Variants in OTOGL observed in about 807,000 individuals in gnomAD.
The protein encoded by OTOGL is otogelin like.
In OTOGL, 285 loss-of-function variants were observed where a neutral mutation model predicts 318.5. The ratio of observed to expected loss-of-function variants is 0.89; its 90% confidence interval spans 0.81 to 0.99. OTOGL has a LOEUF of 0.99. OTOGL is among the 50% of genes least tolerant of loss of function. The pLI is 0.00. For missense variants in OTOGL, 2,899 were observed against 2,845.6 expected, an observed-to-expected ratio of 1.02 and a Z score of -0.43; for synonymous variants, 987 against 936.5, an observed-to-expected ratio of 1.05 and a Z score of -0.99.
chr12:80,272,349 TGTGTGTGTGTG>T (rs1883477403), intron 24 of OTOGL, among the ~76,000 whole-genome samples: 1 of 3,660 alleles, frequency 2.7e-4, no homozygotes, highest in Non-Finnish European at 1.7e-3. Flanking sequence ...GTGATGTGTG[TGTGTGTGTGTG>T]TGTGTGTGTG....
chr12:80,153,795 T>G (rs1194139529), intron 1 of OTOGL, among the ~76,000 whole-genome samples: 1 of 152,198 alleles, frequency 6.6e-6, no homozygotes, highest in East Asian at 1.9e-4. Context: ...TGTCACATAG[T>G]TGGAATCATA....
intron 1 of OTOGL, among the ~76,000 whole-genome samples, chr12:80,150,303 C>A (rs908790118): frequency 6.6e-6 from 1 of 152,138 alleles, no homozygotes; most frequent in Non-Finnish European, 1.5e-5. Flanking sequence ...TCTTTCTATG[C>A]AGCTACAACA....
chr12:80,319,993 G>A (rs1345949794), intron 33 of OTOGL, among the ~76,000 whole-genome samples: 1 of 152,016 alleles, frequency 6.6e-6, no homozygotes, highest in Non-Finnish European at 1.5e-5. Flanking sequence ...ATCTATTTCT[G>A]TATTCTCTTT....
intron 1 of OTOGL, among the ~76,000 whole-genome samples, chr12:80,120,919 A>G (rs888756796): frequency 1.3e-5 from 2 of 152,174 alleles, no homozygotes; most frequent in East Asian, 1.9e-4. Context: ...AGAGTTCACA[A>G]CTGATTCCTT....
intron 57 of OTOGL, among the ~76,000 whole-genome samples, chr12:80,375,172 G>T (rs1891111479): frequency 2.0e-5 from 3 of 152,118 alleles, no homozygotes. Flanking sequence ...AGGCTGTGTT[G>T]AAGAGATTGT....
intron 9 of OTOGL, among the ~76,000 whole-genome samples, chr12:80,234,745 C>A (rs1565917323): frequency 2.6e-5 from 4 of 152,082 alleles, no homozygotes; most frequent in Admixed American, 2.6e-4. Context: ...TATTAAAATG[C>A]AAATGTTTTG....
intron 1 of OTOGL, among the ~76,000 whole-genome samples, chr12:80,198,922 T>A (rs1876273907): frequency 6.6e-6 from 1 of 152,220 alleles, no homozygotes; most frequent in Admixed American, 6.5e-5. Context: ...GCTGTTTTCC[T>A]CCATTTAGCC....
intron 4 of OTOGL, among the ~76,000 whole-genome samples, 162 bp downstream of exon 4, chr12:80,212,159 C>T (rs975025767): frequency 2.6e-5 from 4 of 151,996 alleles, no homozygotes; most frequent in Non-Finnish European, 4.4e-5. Context: ...TGCTTTTCTA[C>T]GACCATCGAA....
chr12:80,209,394 CAATT>C lies in OTOGL; in HGVS notation c.-19-18_-19-15del. ...AAGATGCCATCATAATAAAGACCAT[CAATT>C]TGGTTACATTTCAGGGGGAAAGGCT... On this transcript the variant is annotated splice_polypyrimidine_tract_variant and intron_variant, in intron 1 of 58. Transcript: ENST00000547103. 1 of 1,343,560 alleles carries C rather than the reference CAATT, an allele frequency of 7.4e-7. No individual in the cohort carries two copies. Among genetic ancestry groups the C allele is most frequent in the South Asian group, 1.5e-5 (1 of 65,838 alleles). The allele number at this position is 1,343,560 out of a possible 1,614,324, so 83.2% of individuals were successfully genotyped here. A position where few individuals can be genotyped will look rare whatever the true frequency, so the allele number is the denominator to read the frequency against.
At chr12:80,278,992 T>C in intron 25 of OTOGL, 36 bp from the exon 26 acceptor site, 1 of 1,017,518 alleles carries the variant, frequency 9.8e-7, no homozygotes, top group Non-Finnish European at 1.4e-6. Context: ...TTAGAGTCGT[T>C]TCTTTAGAAA....
At chr12:80,263,625 T>G (rs1882718838) in intron 19 of OTOGL, among the ~76,000 whole-genome samples, 1 of 152,110 alleles carries the variant, frequency 6.6e-6, no homozygotes, top group South Asian at 2.1e-4. Flanking sequence ...ACCACACACA[T>G]GCTATGTACA....
intron 1 of OTOGL, among the ~76,000 whole-genome samples, chr12:80,124,224 AG>A (rs1298291246): frequency 3.3e-5 from 5 of 152,186 alleles, no homozygotes; most frequent in African/African-American, 4.8e-5. Flanking sequence ...ATAAGGTGTA[AG>A]GAAGGGATCC....
intron 43 of OTOGL, among the ~76,000 whole-genome samples, chr12:80,340,075 A>G (rs999991325): frequency 9.9e-5 from 15 of 152,198 alleles, no homozygotes; most frequent in Non-Finnish European, 1.5e-4. Context: ...AACACAACAC[A>G]TAAATACACA....
rs544311240 is a variant in OTOGL at position 80,336,490 on chromosome 12, T to A, written c.4678T>A (p.Tyr1560Asn). 1 of 1,608,880 alleles carries A rather than the reference T, an allele frequency of 6.2e-7. No individual in the cohort carries two copies. The highest frequency in any genetic ancestry group is 1.3e-5 in the African/African-American group (1 of 74,886). ...NNAALYSMAS[Y>N]ILVRIPGEII... The stretch of plus-strand genomic sequence containing the variant: ...CGCAGCATTATATAGCATGGCTTCT[T>A]ATATCTTAGTAAGAATTCCTGGTGA... The change falls in exon 40 of 59, where the codon TAT becomes AAT. Residue 1560 changes from tyrosine to asparagine, a missense_variant. Physicochemically the swap from Tyr to Asn is moderately radical, Grantham distance 143 (BLOSUM62 -2). Around this residue, in one of 3 missense-constraint regions of OTOGL, gnomAD observed 2,607 missense variants for 2,524.9 expected, o/e 1.03. Coordinates refer to ENST00000547103, the MANE Select transcript of OTOGL (RefSeq NM_001378609.3).
chr12:80,130,627 A>G (rs549718785), intron 1 of OTOGL, among the ~76,000 whole-genome samples: 4 of 152,312 alleles, frequency 2.6e-5, no homozygotes, highest in African/African-American at 7.2e-5. Context: ...TGGCGAAGCT[A>G]AGTTCTACAG....
At chr12:80,157,783 G>C (rs1873224816) in intron 1 of OTOGL, among the ~76,000 whole-genome samples, 1 of 151,976 alleles carries the variant, frequency 6.6e-6, no homozygotes, top group African/African-American at 2.4e-5. Context: ...CTATTGGTCT[G>C]TGTGTCTGTG....
At chr12:80,218,151 G>T (rs1877922309) in intron 5 of OTOGL, among the ~76,000 whole-genome samples, 1 of 152,100 alleles carries the variant, frequency 6.6e-6, no homozygotes, top group Non-Finnish European at 1.5e-5. Flanking sequence ...CAATACATTT[G>T]TTTATCTAAA....
intron 1 of OTOGL, among the ~76,000 whole-genome samples, chr12:80,191,576 T>C (rs1330937347): frequency 2.6e-5 from 4 of 152,240 alleles, no homozygotes; most frequent in Non-Finnish European, 4.4e-5. Context: ...TAACCAAATA[T>C]GATTACATTT....
rs147124228 is a variant in OTOGL at position 80,229,634 on chromosome 12, G to A, written c.611+256G>A. ...AGTATGTTTACATGGGTGGAGATGA[G>A]AGTCTCTCTCTCTCTTTTTTTTTTT... is the stretch of plus-strand genomic sequence containing the variant. On this transcript the variant is annotated intron_variant, in intron 8 of 58. Coordinates refer to ENST00000547103, the MANE Select transcript of OTOGL (RefSeq NM_001378609.3). Among the ~76,000 whole-genome samples, 257 of 151,990 alleles carry A rather than the reference G, an allele frequency of 1.7e-3. 1 individual carries two copies. Among genetic ancestry groups the A allele is most frequent in the African/African-American group, 6.0e-3 (250 of 41,504 alleles).
Sources: gnomAD v4.1 joint callset for allele counts (sites outside exome capture counted in the v4.1 genomes callset) on GRCh38, gnomAD v4.1.1 for gene constraint, gnomAD v4.1.1 regional missense constraint, MANE v1.5 for transcripts, NCBI Gene and HGNC (gene_info 2026-07-23, HGNC 2026-07-21) for gene names.